ZNF92: variants seen among roughly 807,000 people sequenced by gnomAD.
ZNF92 encodes zinc finger protein 92, also known as epididymis luminal protein 203.
In ZNF92, 11 loss-of-function variants were observed where a neutral mutation model predicts 12.4. That is an observed-to-expected ratio of 0.89 (90% confidence interval 0.56 to 1.47). The LOEUF (loss-of-function observed/expected upper bound fraction) is 1.47, where lower values mean the gene tolerates loss of function less well. ZNF92 is among the 40% of genes most tolerant of loss of function. The pLI, the probability that ZNF92 is intolerant of heterozygous loss-of-function variation, is 0.00. For synonymous variants in ZNF92, 206 were observed against 228.6 expected (o/e 0.90, Z 0.89); for missense variants, 622 against 681.0 (o/e 0.91, Z 0.96).
chr7:65,391,070 T>A (rs1793696564), intron 3 of ZNF92, among the ~76,000 whole-genome samples: 1 of 151,958 alleles, frequency 6.6e-6, no homozygotes, highest in Non-Finnish European at 1.5e-5. Context: ...CTCCTCAATC[T>A]TGGGTTTAGC....
At chr7:65,397,241 TG>T (rs1332510492) in intron 3 of ZNF92, among the ~76,000 whole-genome samples, 1 of 152,124 alleles carries the variant, frequency 6.6e-6, no homozygotes, top group Non-Finnish European at 1.5e-5. Context: ...ACTCTCTTCT[TG>T]TCTGTAACTT....
At chr7:65,383,560 G>T (rs1301749852) in intron 1 of ZNF92, among the ~76,000 whole-genome samples, 1 of 152,124 alleles carries the variant, frequency 6.6e-6, no homozygotes, top group African/African-American at 2.4e-5. Flanking sequence ...TTACTGTTAC[G>T]TGAGAGGTGC....
Position 65,400,903 on chromosome 7 carries a change from A to G in ZNF92, c.*1028A>G, listed in dbSNP as rs756909982. 7.2e-5 allele frequency: 11 copies of G among 152,162 alleles called. No homozygotes were observed. Among genetic ancestry groups the G allele is most frequent in the East Asian group, 3.9e-4 (2 of 5,186 alleles). The allele number at this position is 152,162 out of a possible 1,614,324, so 9.4% of individuals were successfully genotyped here. The stretch of plus-strand genomic sequence containing the variant: ...TGGAAGAGTAAGAAAATTAAAATAC[A>G]AGATGCATGAGGAAAATGTAGAGAT... On this transcript the variant is annotated 3_prime_UTR_variant, in exon 4 of 4. Transcript: ENST00000328747.
At chr7:65,391,100 G>T (rs1793697229) in intron 3 of ZNF92, among the ~76,000 whole-genome samples, 1 of 152,076 alleles carries the variant, frequency 6.6e-6, no homozygotes, top group Non-Finnish European at 1.5e-5. Context: ...CTCCCTCCCT[G>T]GATCTCAAAG....
intron 3 of ZNF92, among the ~76,000 whole-genome samples, chr7:65,395,223 A>G (rs778671085): frequency 2.6e-5 from 4 of 151,678 alleles, no homozygotes; most frequent in South Asian, 2.1e-4. Context: ...CCTGGCTAAT[A>G]TTTTGATCAT....
chr7:65,382,680 A>G (rs916159039), intron 1 of ZNF92, among the ~76,000 whole-genome samples: 4 of 152,082 alleles, frequency 2.6e-5, no homozygotes, highest in Non-Finnish European at 5.9e-5. Flanking sequence ...ACATGCATGC[A>G]TTGAGTAGAC....
At position 65,377,201 on chromosome 7, in the gene ZNF92, G is replaced by A. The variant is rs906483246; in HGVS notation, c.3+3201G>A. On this transcript the variant is annotated intron_variant, in intron 1 of 3. Transcript: ENST00000328747. ...TTTTGCTGGATTTTTCAAACACTTA[G>A]TTTCAAAAACCAAGAGAATGACTCT... 4.6e-5 allele frequency among the ~76,000 whole-genome samples: 7 copies of A among 152,144 alleles called. No individual in the cohort carries two copies. In the South Asian group the frequency reaches 1.5e-3, roughly 32 times the overall value.
chr7:65,398,181 T>C (rs1793893031), intron 3 of ZNF92, among the ~76,000 whole-genome samples, 160 bp from the exon 4 acceptor site: 1 of 152,154 alleles, frequency 6.6e-6, no homozygotes, highest in Non-Finnish European at 1.5e-5. Flanking sequence ...TTGGTCAGTA[T>C]ATTTTTGTTA....
In ZNF92 at chr7:65,398,421, T is replaced by C; in HGVS notation, c.307T>C (p.Tyr103His). The C allele has an allele frequency of 6.2e-7, 1 of 1,612,170 alleles. No individual in the cohort carries two copies. The highest frequency in any genetic ancestry group is 8.5e-7 in the Non-Finnish European group (1 of 1,179,376). ...TTTCCAAAAAGTGATACTGAGAACA[T>C]ATGGAAAATATGGACATGAGAATTT... Reference protein sequence around the residue: ...DSFQKVILRTYGKYGHENLQL... With the variant: ...DSFQKVILRTHGKYGHENLQL... Residue 103 changes from tyrosine (Y) to histidine (H), a missense_variant, in exon 4 of 4, where the codon TAT becomes CAT. Tyr to His is a moderately conservative substitution (Grantham distance 83, BLOSUM62 2). Transcript: ENST00000328747.
intron 3 of ZNF92, 55 bp from the exon 4 acceptor site, chr7:65,398,286 G>A: frequency 7.3e-7 from 1 of 1,377,520 alleles, no homozygotes; most frequent in Non-Finnish European, 9.6e-7. Context: ...AATTTGTAAA[G>A]TATATTCATC....
chr7:65,383,992 T>G (rs969752261), intron 1 of ZNF92, among the ~76,000 whole-genome samples: 1 of 152,060 alleles, frequency 6.6e-6, no homozygotes, highest in Non-Finnish European at 1.5e-5. Flanking sequence ...CGCCAAAAAA[T>G]GGGGGCTTCA....
In ZNF92 at chr7:65,393,235, T is replaced by G. The variant is rs1264992214; in HGVS notation, c.226+4334T>G. The stretch of plus-strand genomic sequence containing the variant: ...TACTATTTTTATGAGTGTGACTGTT[T>G]AAGATATCTCATATAAGTGGGATCA... On this transcript the variant is annotated intron_variant, in intron 3 of 3. Transcript: ENST00000328747. Among the ~76,000 whole-genome samples, 3 of 152,168 alleles carry G rather than the reference T, an allele frequency of 2.0e-5. No homozygotes were observed. In the East Asian group the frequency reaches 5.8e-4, roughly 29 times the overall value.
At chr7:65,387,482 G>A (rs1793600326) in intron 1 of ZNF92, among the ~76,000 whole-genome samples, 1 of 151,038 alleles carries the variant, frequency 6.6e-6, no homozygotes, top group African/African-American at 2.4e-5. Context: ...TAGAAATTAA[G>A]AAACTCAGAC....
chr7:65,399,260 A>G lies in ZNF92; in HGVS notation c.1146A>G (p.Ser382=), dbSNP rs1202326818. 1 of 1,612,482 alleles carries G rather than the reference A, an allele frequency of 6.2e-7. No homozygotes were observed. The highest frequency in any genetic ancestry group is 1.3e-5 in the African/African-American group (1 of 74,806). Reference sequence around the variant, plus strand: ...GTGGCAAAGCCTTTAACCAGTCCTCAACCCTTACTAAACATAAAAGAATTC... The same window carrying G: ...GTGGCAAAGCCTTTAACCAGTCCTCGACCCTTACTAAACATAAAAGAATTC... ...DECGKAFNQS[S]TLTKHKRIHT... is the part of the protein sequence containing the mutation. The change falls in exon 4 of 4, where the codon TCA becomes TCG. Residue 382 remains serine, a synonymous_variant. Coordinates refer to ENST00000328747, the MANE Select transcript of ZNF92 (RefSeq NM_152626.4).
At chr7:65,397,432 G>A (rs755169557) in intron 3 of ZNF92, among the ~76,000 whole-genome samples, 4 of 151,622 alleles carry the variant, frequency 2.6e-5, no homozygotes, top group South Asian at 4.2e-4. Flanking sequence ...TTCAGAAATC[G>A]TCTGTGTTTC....
rs1233908005 is a variant in ZNF92 at position 65,398,412 on chromosome 7, C to G, written c.298C>G (p.Leu100Val). The stretch of plus-strand genomic sequence containing the variant: ...AAAAGATTCTTTCCAAAAAGTGATA[C>G]TGAGAACATATGGAAAATATGGACA... Reference protein sequence around the residue: ...SIKDSFQKVILRTYGKYGHEN... With the variant: ...SIKDSFQKVIVRTYGKYGHEN... The change falls in exon 4 of 4, where the codon CTG becomes GTG. Residue 100 changes from leucine (L) to valine (V), a missense_variant. Leu to Val is a conservative substitution (Grantham distance 32). Coordinates refer to ENST00000328747, the MANE Select transcript of ZNF92 (RefSeq NM_152626.4). The G allele has an allele frequency of 4.3e-6, 7 of 1,610,926 alleles. No individual in the cohort carries two copies. Among genetic ancestry groups the G allele is most frequent in the Non-Finnish European group, 5.9e-6 (7 of 1,179,022 alleles).
intron 3 of ZNF92, among the ~76,000 whole-genome samples, chr7:65,395,360 C>T (rs1055998057): frequency 1.3e-5 from 2 of 152,104 alleles, no homozygotes; most frequent in African/African-American, 4.8e-5. Context: ...AGCTGGTATT[C>T]TTATATTAAT....
rs150336944 is a variant in ZNF92, at chr7:65,380,550, G to A, written c.3+6550G>A. Among the ~76,000 whole-genome samples the A allele has an allele frequency of 1.1e-3, 162 of 152,258 alleles. 1 individual carries two copies. Among genetic ancestry groups the A allele is most frequent in the African/African-American group, 3.7e-3 (154 of 41,552 alleles). On this transcript the variant is annotated intron_variant, in intron 1 of 3. Transcript: ENST00000328747. ...CCCTGCCAAAGTGCTGGGATTACAG[G>A]CGTGAACCACTATGCTCAACCACAA... is the stretch of plus-strand genomic sequence containing the variant.
intron 1 of ZNF92, among the ~76,000 whole-genome samples, chr7:65,386,563 C>G (rs1216243624): frequency 6.6e-6 from 1 of 151,994 alleles, no homozygotes; most frequent in Non-Finnish European, 1.5e-5. Context: ...TAAGAAAATG[C>G]TTTTTGAAAC....
Sources: gnomAD v4.1 joint callset for allele counts (sites outside exome capture counted in the v4.1 genomes callset) on GRCh38, gnomAD v4.1.1 for gene constraint, MANE v1.5 for transcripts, NCBI Gene and HGNC (gene_info 2026-07-23, HGNC 2026-07-21) for gene names.